The following PRUNE2 variants were observed in gnomAD, a reference collection of about 807,000 sequenced individuals.
PRUNE2 encodes the protein protein prune homolog 2.
Under a neutral mutation model 252.0 loss-of-function variants are expected in PRUNE2, and 164 were observed. That is an observed-to-expected ratio of 0.65 (90% confidence interval 0.57 to 0.74). The LOEUF is 0.74. PRUNE2 is among the 30% of genes least tolerant of loss of function. The pLI, the probability that PRUNE2 is intolerant of heterozygous loss-of-function variation, is 0.00. For missense variants in PRUNE2, 3,495 were observed against 3,711.0 expected (o/e 0.94, Z 1.51); for synonymous variants, 1,292 against 1,350.2 (o/e 0.96, Z 0.94).
intron 9 of PRUNE2, among the ~76,000 whole-genome samples, chr9:76,693,439 C>CTTTTGTTT (rs2045014793): frequency 9.3e-6 from 1 of 108,062 alleles, no homozygotes; most frequent in Non-Finnish European, 1.8e-5. Flanking sequence ...AGCACCTACT[C>CTTTTGTTT]TTTTTTTTTT....
intron 1 of PRUNE2, among the ~76,000 whole-genome samples, chr9:76,880,345 A>G (rs2061707223): frequency 6.6e-6 from 1 of 152,222 alleles, no homozygotes; most frequent in Non-Finnish European, 1.5e-5. Flanking sequence ...GGTAACTTTG[A>G]GAAGGTCTGT....
chr9:76,734,284 T>G (rs1207548887), intron 6 of PRUNE2, among the ~76,000 whole-genome samples: 2 of 151,946 alleles, frequency 1.3e-5, no homozygotes, highest in Admixed American at 6.6e-5. Context: ...GTTCAGGAGG[T>G]AGGGGTCGAA....
chr9:76,711,952 C>T (rs1421410875), intron 7 of PRUNE2, among the ~76,000 whole-genome samples: 1 of 152,106 alleles, frequency 6.6e-6, no homozygotes, highest in East Asian at 1.9e-4. Flanking sequence ...ACCTGGGAGG[C>T]AAGGGGACAC....
intron 1 of PRUNE2, among the ~76,000 whole-genome samples, chr9:76,897,390 CTTTTTTTTTTTTTTTTTTTTTTT>C (rs55702049): frequency 9.8e-4 from 55 of 56,252 alleles, no homozygotes; most frequent in Non-Finnish European, 1.7e-3. Flanking sequence ...AGGCAAACCT[CTTTTTTTTTTTTTTTTTTTTTTT>C]TTTTTTTTTT....
At position 76,749,116 on chromosome 9, in the gene PRUNE2, T is replaced by C. The variant is rs114608851; in HGVS notation, c.757-35395A>G. ...AAACAACAGCCAAAGAAGTTAGGATTACAAGACGTCGGTTCCATGTAGAAA... is the reference window on the plus strand; with the variant it reads ...AAACAACAGCCAAAGAAGTTAGGATCACAAGACGTCGGTTCCATGTAGAAA... On this transcript the variant is annotated intron_variant, in intron 6 of 18. Coordinates refer to ENST00000376718, the MANE Select transcript of PRUNE2 (RefSeq NM_015225.3). Among the ~76,000 whole-genome samples the C allele has an allele frequency of 7.9e-3, 1,196 of 152,312 alleles. 17 individuals are homozygous for C. The highest frequency in any genetic ancestry group is 0.028 in the African/African-American group (1,159 of 41,564).
chr9:76,617,859 A>G (rs1830424065), intron 18 of PRUNE2, among the ~76,000 whole-genome samples: 1 of 152,214 alleles, frequency 6.6e-6, no homozygotes, highest in Non-Finnish European at 1.5e-5. Flanking sequence ...GGGCTTCCAC[A>G]TGTGCCCTCT....
chr9:76,696,113 C>T (rs754621668), intron 9 of PRUNE2, among the ~76,000 whole-genome samples: 4 of 152,168 alleles, frequency 2.6e-5, no homozygotes, highest in Non-Finnish European at 4.4e-5. Flanking sequence ...ATGTCTCCGA[C>T]GTCAGCAAGT....
intron 9 of PRUNE2, among the ~76,000 whole-genome samples, chr9:76,656,854 G>T (rs1464288395): frequency 1.3e-5 from 2 of 152,114 alleles, no homozygotes; most frequent in Admixed American, 6.5e-5. Context: ...TCTTCCTGTG[G>T]CTTTGACCCT....
chr9:76,881,213 G>C (rs991186918), intron 1 of PRUNE2, among the ~76,000 whole-genome samples: 4 of 151,996 alleles, frequency 2.6e-5, no homozygotes, highest in Non-Finnish European at 5.9e-5. Context: ...TGATCCACCC[G>C]CCTTGGCCTC....
intron 6 of PRUNE2, among the ~76,000 whole-genome samples, chr9:76,743,381 G>C (rs2049820824): frequency 6.6e-6 from 1 of 152,168 alleles, no homozygotes; most frequent in Admixed American, 6.5e-5. Context: ...GAAATAAAGA[G>C]AATACTATGT....
At chr9:76,887,531 C>T (rs768394726) in intron 1 of PRUNE2, among the ~76,000 whole-genome samples, 13 of 152,192 alleles carry the variant, frequency 8.5e-5, no homozygotes, top group South Asian at 2.1e-4. Context: ...ACTTTCAGTG[C>T]CTGCCCATGG....
At position 76,706,852 on chromosome 9, in the gene PRUNE2, A is replaced by T; in HGVS notation, c.5422T>A (p.Phe1808Ile). The T allele has an allele frequency of 1.3e-6, 2 of 1,594,782 alleles. No homozygotes were observed. The highest frequency in any genetic ancestry group is 1.1e-5 in the South Asian group (1 of 87,520). ...VAWQISPKASFPKNEDNSQLE... is the reference protein window; with the variant it reads ...VAWQISPKASIPKNEDNSQLE... ...TGAGAATTATCTTCGTTCTTTGGGA[A>T]CGAAGCTTTGGGAGATATTTGCCAT... The change falls in exon 8 of 19, where the codon TTC becomes ATC. Residue 1808 changes from phenylalanine to isoleucine, a missense_variant. By Grantham distance (21) the Phe-to-Ile change is conservative. Coordinates refer to ENST00000376718, the MANE Select transcript of PRUNE2 (RefSeq NM_015225.3).
intron 15 of PRUNE2, among the ~76,000 whole-genome samples, chr9:76,630,231 CT>C (rs58831160): frequency 1.3e-4 from 17 of 131,898 alleles, no homozygotes; most frequent in Admixed American, 6.7e-4. Context: ...ACTCATTTTT[CT>C]TTTTTTTTTA....
Position 76,893,916 on chromosome 9 carries a change from G to A in PRUNE2, c.36+12012C>T, listed in dbSNP as rs557384783. Among the ~76,000 whole-genome samples, 99 of 152,258 alleles carry A rather than the reference G, an allele frequency of 6.5e-4. 2 individuals carry two copies. The highest frequency in any genetic ancestry group is 1.3e-3 in the Non-Finnish European group (88 of 68,010). On this transcript the variant is annotated intron_variant, in intron 1 of 18. Coordinates refer to ENST00000376718, the MANE Select transcript of PRUNE2 (RefSeq NM_015225.3). ...AGCACATGATCAGTCACAGGGCCACGAAAATTGCTTTGCTTCATGGATGGC... is the reference window on the plus strand; with the variant it reads ...AGCACATGATCAGTCACAGGGCCACAAAAATTGCTTTGCTTCATGGATGGC...
rs1828538372 is a variant in PRUNE2 at position 76,614,618 on chromosome 9, A to T, written c.9237-18T>A. 8 of 1,605,104 alleles carry T rather than the reference A, an allele frequency of 5.0e-6. No individual in the cohort carries two copies. The highest frequency in any genetic ancestry group is 6.0e-6 in the Non-Finnish European group (7 of 1,173,614). ...AGTCAATACTGCAAAGAAAAGAAAA[A>T]GAGAGAGAAACATGAGAAACCAAAT... On this transcript the variant is annotated intron_variant, in intron 18 of 18. Transcript: ENST00000376718.
chr9:76,752,646 C>T (rs2050739452), intron 6 of PRUNE2, among the ~76,000 whole-genome samples: 1 of 152,178 alleles, frequency 6.6e-6, no homozygotes, highest in Non-Finnish European at 1.5e-5. Flanking sequence ...TATAATACAG[C>T]AGGCAACGCT....
intron 6 of PRUNE2, chr9:76,739,843 T>G (rs1588950553): frequency 1.3e-5 from 2 of 152,082 alleles, no homozygotes; most frequent in Non-Finnish European, 2.9e-5. Context: ...CCCAGCTCTT[T>G]GGGAGGCCAA....
At chr9:76,728,674 C>T (rs1449443626) in intron 6 of PRUNE2, among the ~76,000 whole-genome samples, 3 of 152,158 alleles carry the variant, frequency 2.0e-5, no homozygotes, top group African/African-American at 4.8e-5. Context: ...CCTAACTTCT[C>T]CAAATGAGCA....
rs1397161403 is a variant in PRUNE2, at chr9:76,619,328, G to C, written c.9236+12C>G. On this transcript the variant is annotated intron_variant, in intron 18 of 18. Transcript: ENST00000376718. The stretch of plus-strand genomic sequence containing the variant: ...AGTAACCACATAGCTGTTATTGATG[G>C]TGAATTCTTACTCCTTCTCCATAGA... 6.4e-7 allele frequency: 1 copy of C among 1,574,578 alleles called. No homozygotes were observed. The highest frequency in any genetic ancestry group is 1.1e-5 in the South Asian group (1 of 88,426).
Sources: gnomAD v4.1 joint callset for allele counts (sites outside exome capture counted in the v4.1 genomes callset) on GRCh38, gnomAD v4.1.1 for gene constraint, MANE v1.5 for transcripts, NCBI Gene and HGNC (gene_info 2026-07-23, HGNC 2026-07-21) for gene names.